Variants in STK3 observed in about 807,000 individuals in gnomAD.
The protein encoded by STK3 is serine/threonine-protein kinase 3.
STK3 carries 41 observed loss-of-function variants against 58.0 expected under a neutral mutation model. The ratio of observed to expected loss-of-function variants is 0.71; its 90% CI spans 0.55 to 0.92. STK3 has a LOEUF of 0.92. STK3 is among the 40% of genes least tolerant of loss of function. The pLI is 0.00. For missense variants in STK3, 479 were observed against 602.7 expected (o/e 0.79, Z 2.15); for synonymous variants, 170 against 191.0 (o/e 0.89, Z 0.91).
intron 3 of STK3, among the ~76,000 whole-genome samples, chr8:98,847,159 T>C (rs902095579): frequency 1.3e-5 from 2 of 151,542 alleles, no homozygotes; most frequent in African/African-American, 2.4e-5. Context: ...AAGCCAAGAG[T>C]TTGAGGTTGC....
intron 7 of STK3, among the ~76,000 whole-genome samples, chr8:98,589,693 C>G (rs942827842): frequency 6.6e-6 from 1 of 152,266 alleles, no homozygotes; most frequent in Non-Finnish European, 1.5e-5. Flanking sequence ...GCCCCTCCCC[C>G]AGCCTAGCTG....
At chr8:98,696,312 T>C (rs1412051437) in intron 6 of STK3, among the ~76,000 whole-genome samples, 1 of 152,024 alleles carries the variant, frequency 6.6e-6, no homozygotes, top group Non-Finnish European at 1.5e-5. Flanking sequence ...ACAGGGACAA[T>C]TTGACTTCCT....
intron 10 of STK3, among the ~76,000 whole-genome samples, chr8:98,490,466 C>CT (rs1822599988): frequency 6.6e-6 from 1 of 152,142 alleles, no homozygotes; most frequent in Admixed American, 6.5e-5. Flanking sequence ...CCACCCCTGA[C>CT]TTTACTTCTT....
At chr8:98,655,678 C>T (rs1173488024) in intron 6 of STK3, among the ~76,000 whole-genome samples, 4 of 151,578 alleles carry the variant, frequency 2.6e-5, no homozygotes, top group Admixed American at 2.6e-4. Context: ...GGGCGAAGGA[C>T]ATGAACAGAC....
intron 6 of STK3, among the ~76,000 whole-genome samples, chr8:98,604,713 T>G (rs901311689): frequency 6.6e-6 from 1 of 152,204 alleles, no homozygotes; most frequent in Non-Finnish European, 1.5e-5. Context: ...TTTTGCACCC[T>G]CAAATAAGTT....
At chr8:98,567,442 C>T (rs771859470) in intron 8 of STK3, among the ~76,000 whole-genome samples, 2 of 152,148 alleles carry the variant, frequency 1.3e-5, no homozygotes, top group Non-Finnish European at 2.9e-5. Flanking sequence ...AAGCTATCCA[C>T]CTGCCTTGGC....
intron 10 of STK3, among the ~76,000 whole-genome samples, chr8:98,457,515 A>T (rs1563620184): frequency 6.6e-6 from 1 of 152,190 alleles, no homozygotes; most frequent in Non-Finnish European, 1.5e-5. Context: ...TTTCTATGTA[A>T]CACTCATAAT....
intron 7 of STK3, among the ~76,000 whole-genome samples, chr8:98,580,596 C>T (rs748912091): frequency 4.6e-5 from 7 of 152,140 alleles, no homozygotes; most frequent in Non-Finnish European, 1.0e-4. Context: ...AGTGACCTGA[C>T]TGAGTGAGTG....
chr8:98,812,251 T>C (rs1335849534), intron 1 of STK3, among the ~76,000 whole-genome samples: 1 of 152,256 alleles, frequency 6.6e-6, no homozygotes. Flanking sequence ...ATCGTCTTTT[T>C]ATACTCTTAG....
chr8:98,764,408 A>G (rs1587551655), intron 3 of STK3, among the ~76,000 whole-genome samples: 1 of 152,348 alleles, frequency 6.6e-6, no homozygotes, highest in East Asian at 1.9e-4. Flanking sequence ...GTGCTAATAA[A>G]GAAAAATATA....
At chr8:98,366,051 T>G in the STK3 span, among the ~76,000 whole-genome samples, 1 of 152,134 alleles carries the variant, frequency 6.6e-6, no homozygotes, top group Admixed American at 6.5e-5. Context: ...TGGGTACAAG[T>G]GTTTGCAATT....
chr8:98,655,082 C>G (rs1050016303), intron 6 of STK3, among the ~76,000 whole-genome samples: 3 of 151,956 alleles, frequency 2.0e-5, no homozygotes, highest in Admixed American at 6.6e-5. Context: ...TGACTTCAAA[C>G]TATACTACAA....
intron 10 of STK3, among the ~76,000 whole-genome samples, chr8:98,524,216 G>A (rs972945640): frequency 3.9e-5 from 6 of 152,206 alleles, no homozygotes; most frequent in African/African-American, 1.4e-4. Context: ...CTACATGTCT[G>A]TCTTTCTGAC....
chr8:98,877,359 T>C (rs901116687), intron 3 of STK3, among the ~76,000 whole-genome samples: 9 of 152,188 alleles, frequency 5.9e-5, no homozygotes, highest in African/African-American at 2.2e-4. Context: ...ACTCCAAAGC[T>C]TAAGGTGTTA....
intron 6 of STK3, among the ~76,000 whole-genome samples, chr8:98,605,246 G>T (rs1032625440): frequency 6.6e-6 from 1 of 152,016 alleles, no homozygotes; most frequent in African/African-American, 2.4e-5. Flanking sequence ...CCTTGGCACT[G>T]ATTTTCTGTA....
intron 2 of STK3, 106 bp downstream of exon 2, chr8:98,774,633 A>G: frequency 1.3e-6 from 1 of 748,650 alleles, no homozygotes. Flanking sequence ...ACTATTAAAT[A>G]CTATTCAATT....
At chr8:98,719,395 A>C (rs914463210) in intron 4 of STK3, among the ~76,000 whole-genome samples, 1 of 152,182 alleles carries the variant, frequency 6.6e-6, no homozygotes, top group African/African-American at 2.4e-5. Flanking sequence ...CTGATTTGTT[A>C]TCTCTGCTCC....
At chr8:98,660,653 C>A (rs541229138) in intron 6 of STK3, among the ~76,000 whole-genome samples, 1 of 152,062 alleles carries the variant, frequency 6.6e-6, no homozygotes, top group South Asian at 2.1e-4. Flanking sequence ...TAAAACTGTC[C>A]CTTAGCCATA....
intron 1 of STK3, among the ~76,000 whole-genome samples, chr8:98,888,281 T>C (rs1287883831): frequency 6.6e-6 from 1 of 152,126 alleles, no homozygotes. Flanking sequence ...ATTGCACCAC[T>C]GCCCTCCAGC....
Sources: allele counts gnomAD v4.1 joint callset (sites outside exome capture counted in the v4.1 genomes callset), GRCh38; gene constraint gnomAD v4.1.1; transcripts MANE v1.5; gene names NCBI Gene and HGNC (gene_info 2026-07-23, HGNC 2026-07-21).